MCC: variants seen among roughly 807,000 people sequenced by gnomAD.
The protein encoded by MCC is colorectal mutant cancer protein.
MCC carries 90 observed loss-of-function variants against 116.2 expected under a neutral mutation model. The ratio of observed to expected loss-of-function variants is 0.77; its 90% CI spans 0.65 to 0.92. The LOEUF (loss-of-function observed/expected upper bound fraction) is 0.92. Ranked by LOEUF, MCC falls within the 40% of genes least tolerant of loss-of-function variation. The pLI is 0.00. For synonymous variants in MCC, 578 were observed against 510.5 expected (o/e 1.13, Z -1.78); for missense variants, 1,516 against 1,312.2 (o/e 1.16, Z -2.40).
At chr5:113,127,903 T>C (rs1247504114) in intron 5 of MCC, among the ~76,000 whole-genome samples, 1 of 152,254 alleles carries the variant, frequency 6.6e-6, no homozygotes, top group Non-Finnish European at 1.5e-5. Context: ...GTCTTTGTCA[T>C]GAAATCCTTG....
At chr5:113,163,065 A>G (rs1760580940) in intron 3 of MCC, among the ~76,000 whole-genome samples, 1 of 152,168 alleles carries the variant, frequency 6.6e-6, no homozygotes. Flanking sequence ...AGGCAAACAC[A>G]TTCATCCTAA....
At chr5:113,305,376 G>A (rs1358399475) in intron 3 of MCC, among the ~76,000 whole-genome samples, 3 of 152,132 alleles carry the variant, frequency 2.0e-5, no homozygotes, top group Non-Finnish European at 4.4e-5. Context: ...TATTCTTTAT[G>A]TGACAACCAG....
At chr5:113,466,019 C>G (rs1771894045) in intron 1 of MCC, among the ~76,000 whole-genome samples, 1 of 151,942 alleles carries the variant, frequency 6.6e-6, no homozygotes, top group Non-Finnish European at 1.5e-5. Flanking sequence ...TCACTGCAAC[C>G]TCTGCCTCTA....
chr5:113,240,174 G>A (rs1764312078), intron 3 of MCC, among the ~76,000 whole-genome samples: 1 of 152,156 alleles, frequency 6.6e-6, no homozygotes, highest in Admixed American at 6.5e-5. Context: ...ACTGCATAGG[G>A]AAGGACAGTC....
At chr5:113,123,575 T>C (rs374971744) in intron 5 of MCC, among the ~76,000 whole-genome samples, 16 of 152,246 alleles carry the variant, frequency 1.1e-4, no homozygotes, top group African/African-American at 3.9e-4. Context: ...CCTTCAGAGG[T>C]CCCTCAACCT....
chr5:113,031,854 C>T (rs1750975902), intron 17 of MCC, among the ~76,000 whole-genome samples: 1 of 152,140 alleles, frequency 6.6e-6, no homozygotes, highest in Non-Finnish European at 1.5e-5. Context: ...AGGAGAGAGT[C>T]TCTCAGACCC....
chr5:113,252,649 C>T (rs1764845861), intron 3 of MCC, among the ~76,000 whole-genome samples: 1 of 152,120 alleles, frequency 6.6e-6, no homozygotes, highest in Admixed American at 6.5e-5. Context: ...GCACTTGAAT[C>T]ATCCTGAAAC....
intron 3 of MCC, among the ~76,000 whole-genome samples, chr5:113,277,604 G>C (rs1052727731): frequency 3.3e-5 from 5 of 151,954 alleles, no homozygotes; most frequent in African/African-American, 1.2e-4. Flanking sequence ...TAAAAAGCAC[G>C]GTCTGCTTTA....
intron 3 of MCC, among the ~76,000 whole-genome samples, chr5:113,297,850 A>G (rs901020629): frequency 1.3e-5 from 2 of 152,062 alleles, no homozygotes; most frequent in African/African-American, 4.8e-5. Context: ...GGAGAGCTTA[A>G]AAACAACTTG....
At chr5:113,276,331 C>A (rs918050849) in intron 3 of MCC, among the ~76,000 whole-genome samples, 8 of 152,204 alleles carry the variant, frequency 5.3e-5, no homozygotes, top group Admixed American at 2.0e-4. Context: ...TTAAACTGAA[C>A]TTTATAGTCT....
intron 12 of MCC, among the ~76,000 whole-genome samples, chr5:113,070,039 G>T (rs994137795): frequency 6.6e-6 from 1 of 152,194 alleles, no homozygotes; most frequent in African/African-American, 2.4e-5. Flanking sequence ...CTAATGTGGA[G>T]AAAGACCTTT....
In MCC at chr5:113,143,229, G is replaced by GCCTTGCAGACGGTCTATCTT; in HGVS notation, c.853_872dup (p.Thr292ArgfsTer2). On this transcript the variant is annotated stop_gained and frameshift_variant, in exon 5 of 19. Transcript: ENST00000408903. LOFTEE classifies it high-confidence loss of function. ...ATGGAGCCGCGTACCTGATGGTGGTGCCTTGCAGACGGTCTATCTTCTTGT... is the reference window on the plus strand; with the variant it reads ...ATGGAGCCGCGTACCTGATGGTGGTGCCTTGCAGACGGTCTATCTTCCTTGCAGACGGTCTATCTTCTTGT... 6 of 1,605,024 alleles carry GCCTTGCAGACGGTCTATCTT rather than the reference G, an allele frequency of 3.7e-6. No individual in the cohort carries two copies. The highest frequency in any genetic ancestry group is 3.4e-6 in the Non-Finnish European group (4 of 1,176,396).
intron 3 of MCC, among the ~76,000 whole-genome samples, chr5:113,177,097 C>T (rs923696909): frequency 6.6e-6 from 1 of 152,192 alleles, no homozygotes; most frequent in African/African-American, 2.4e-5. Flanking sequence ...TACCTGCTCC[C>T]ACCCCCACAC....
chr5:113,256,971 T>C (rs571995040), intron 3 of MCC, among the ~76,000 whole-genome samples: 16 of 152,310 alleles, frequency 1.1e-4, no homozygotes, highest in Non-Finnish European at 2.1e-4. Flanking sequence ...CTTATCTTTA[T>C]AGGAAAAGAA....
At position 113,232,151 on chromosome 5, in the gene MCC, C is replaced by T. The variant is rs545214698; in HGVS notation, c.628-80729G>A. Among the ~76,000 whole-genome samples, 19 of 152,274 alleles carry T rather than the reference C, an allele frequency of 1.2e-4. No individual in the cohort carries two copies. In the South Asian group the frequency reaches 3.7e-3, roughly 30 times the overall value. ...CAAAAATAAAATGTATCACTTTTAA[C>T]ATTGAATTTTCTAAACTCCAGGGGA... On this transcript the variant is annotated intron_variant, in intron 3 of 18. Transcript: ENST00000408903.
At chr5:113,394,369 A>T (rs941556825) in intron 1 of MCC, among the ~76,000 whole-genome samples, 2 of 152,098 alleles carry the variant, frequency 1.3e-5, no homozygotes, top group Non-Finnish European at 2.9e-5. Flanking sequence ...CAGCCAACAA[A>T]TTCTGTTACT....
chr5:113,455,106 C>T (rs1204854121), intron 1 of MCC, among the ~76,000 whole-genome samples: 1 of 152,180 alleles, frequency 6.6e-6, no homozygotes, highest in African/African-American at 2.4e-5. Flanking sequence ...CCAGTCCAAC[C>T]TGACTTCTTG....
chr5:113,276,354 A>G (rs1410171987), intron 3 of MCC, among the ~76,000 whole-genome samples: 1 of 152,156 alleles, frequency 6.6e-6, no homozygotes, highest in African/African-American at 2.4e-5. Flanking sequence ...GGATTATTTT[A>G]CAAAGACCAC....
At chr5:113,381,719 T>G (rs959737992) in intron 2 of MCC, among the ~76,000 whole-genome samples, 3 of 151,908 alleles carry the variant, frequency 2.0e-5, no homozygotes, top group African/African-American at 7.3e-5. Flanking sequence ...GTCCAGGAGG[T>G]TGAGGCTGTA....
Sources: allele counts gnomAD v4.1 joint callset (sites outside exome capture counted in the v4.1 genomes callset), GRCh38; gene constraint gnomAD v4.1.1; transcripts MANE v1.5; gene names NCBI Gene and HGNC (gene_info 2026-07-23, HGNC 2026-07-21).